The following SLC12A7 variants were observed in gnomAD, a reference collection of about 807,000 sequenced individuals.
SLC12A7 encodes the protein solute carrier family 12 member 7.
In SLC12A7, 100 loss-of-function variants were observed where a neutral mutation model predicts 120.6. The ratio of observed to expected loss-of-function variants is 0.83; its 90% CI spans 0.71 to 0.98. SLC12A7 has a LOEUF of 0.98. SLC12A7 is among the 50% of genes least tolerant of loss of function. The pLI, the probability that SLC12A7 is intolerant of heterozygous loss-of-function variation, is 0.00. For synonymous variants in SLC12A7, 760 were observed against 678.0 expected, an observed-to-expected ratio of 1.12 and a Z score of -1.88; for missense variants, 1,373 against 1,548.1, an observed-to-expected ratio of 0.89 and a Z score of 1.90.
At chr5:1,134,050 C>T in the SLC12A7 span, among the ~76,000 whole-genome samples, 11 of 152,160 alleles carry the variant, frequency 7.2e-5, no homozygotes, top group Non-Finnish European at 7.4e-5. Context: ...CCCAGACAGC[C>T]AGAGCCTAGT....
chr5:1,059,856 A>T (rs1167681149), intron 21 of SLC12A7, among the ~76,000 whole-genome samples: 1 of 142,538 alleles, frequency 7.0e-6, no homozygotes, highest in African/African-American at 2.6e-5. Flanking sequence ...TTAGGACAGA[A>T]ATCTGTGCAT....
In SLC12A7 at chr5:1,053,518, G is replaced by A. The variant is rs534285435; in HGVS notation, c.3027-36C>T. 7 of 1,606,708 alleles carry A rather than the reference G, an allele frequency of 4.4e-6. No individual in the cohort carries two copies. In the South Asian group the frequency reaches 5.5e-5, roughly 13 times the overall value. ...GGTGGGCACGGTCAGCGGGCGGCGG[G>A]TGCACCCCACGCTCCGGACACGAGG... On this transcript the variant is annotated intron_variant, in intron 22 of 23. Coordinates refer to ENST00000264930, the MANE Select transcript of SLC12A7 (RefSeq NM_006598.3).
intron 1 of SLC12A7, among the ~76,000 whole-genome samples, chr5:1,107,117 T>A (rs1742586780): frequency 6.6e-6 from 1 of 152,234 alleles, no homozygotes. Context: ...CTGCCTCTTA[T>A]CTGCCCTCCC....
chr5:1,139,720 G>A, the SLC12A7 span, among the ~76,000 whole-genome samples: 1 of 152,204 alleles, frequency 6.6e-6, no homozygotes, highest in Admixed American at 6.5e-5. Flanking sequence ...GCCCACTTTT[G>A]TGACCCACGT....
At chr5:1,154,047 C>A in the SLC12A7 span, among the ~76,000 whole-genome samples, 141 of 152,192 alleles carry the variant, frequency 9.3e-4, no homozygotes, top group Non-Finnish European at 1.6e-3. Flanking sequence ...CGCATGTGTT[C>A]CCAACCCTAA....
At chr5:1,065,748 G>A (rs531974642) in intron 17 of SLC12A7, among the ~76,000 whole-genome samples, 7 of 152,226 alleles carry the variant, frequency 4.6e-5, no homozygotes, top group African/African-American at 7.2e-5. Context: ...GGGACACAAC[G>A]CCAGGCAGTT....
At chr5:1,093,757 C>A in intron 2 of SLC12A7, 102 bp from the exon 3 acceptor site, 1 of 1,520,514 alleles carries the variant, frequency 6.6e-7, no homozygotes. Flanking sequence ...CTCCCCGGGT[C>A]CTCAGCCCCT....
chr5:1,068,155 C>G (rs1322484420), intron 17 of SLC12A7, among the ~76,000 whole-genome samples: 5 of 152,246 alleles, frequency 3.3e-5, no homozygotes, highest in African/African-American at 1.2e-4. Context: ...CTTGCCCAGA[C>G]AGGCTGCCGT....
chr5:1,092,665 T>C lies in SLC12A7; in HGVS notation c.342+868A>G, dbSNP rs546233105. On this transcript the variant is annotated intron_variant, in intron 3 of 23. Transcript: ENST00000264930. ...GGAAATGACAATTTTGTGTCAAGACTGGGGGAGGCCGTCGCCCGGCTTCAG... is the reference window on the plus strand; with the variant it reads ...GGAAATGACAATTTTGTGTCAAGACCGGGGGAGGCCGTCGCCCGGCTTCAG... 3.9e-5 allele frequency among the ~76,000 whole-genome samples: 6 copies of C among 152,182 alleles called. No homozygotes were observed. In the South Asian group the frequency reaches 1.2e-3, roughly 32 times the overall value.
chr5:1,149,217 C>T, the SLC12A7 span, among the ~76,000 whole-genome samples: 1 of 149,678 alleles, frequency 6.7e-6, no homozygotes, highest in Non-Finnish European at 1.5e-5. Context: ...ACTTTACATT[C>T]CCACAAGCAG....
chr5:1,056,372 G>A (rs1195210949), intron 22 of SLC12A7, among the ~76,000 whole-genome samples: 1 of 152,186 alleles, frequency 6.6e-6, no homozygotes, highest in East Asian at 1.9e-4. Flanking sequence ...GAGCCACCGT[G>A]AACAGAGGGG....
chr5:1,064,030 C>T, intron 19 of SLC12A7, 53 bp downstream of exon 19: 4 of 1,602,704 alleles, frequency 2.5e-6, no homozygotes, highest in Admixed American at 1.7e-5. Context: ...TCCCGGCCCG[C>T]AGCACGTGGG....
At chr5:1,078,158 A>C in intron 11 of SLC12A7, 151 bp from the exon 12 acceptor site, 1 of 956,928 alleles carries the variant, frequency 1.0e-6, no homozygotes, top group Non-Finnish European at 1.5e-6. Context: ...GTTGGCTGAA[A>C]CCTCCACCAG....
At chr5:1,099,573 C>T (rs74951180) in intron 1 of SLC12A7, among the ~76,000 whole-genome samples, 1 of 147,242 alleles carries the variant, frequency 6.8e-6, no homozygotes, top group Non-Finnish European at 1.6e-5. Context: ...GCCATGGTAC[C>T]GACCTCCACA....
Position 1,110,309 on chromosome 5 carries a change from G to A in SLC12A7, c.124+1559C>T, listed in dbSNP as rs141369308. 1.1e-4 allele frequency among the ~76,000 whole-genome samples: 16 copies of A among 152,268 alleles called. No individual in the cohort carries two copies. The East Asian group carries it at 2.3e-3, about 22-fold the overall frequency. On this transcript the variant is annotated intron_variant, in intron 1 of 23. Transcript: ENST00000264930. ...GCCCACACCTGGCCCATGCCCTCCC[G>A]TTCTCAATTTCATGAAGGCCAGGGA...
chr5:1,076,148 A>T lies in SLC12A7; in HGVS notation c.1837T>A (p.Phe613Ile). ...RTPNWRPRFK[F>I]YHWTLSFLGM... ...GCTGAGTGGCCTCACCAGTGGTAGA[A>T]CTTGAAGCGTGGACGCCAGTTGGGG... The change falls in exon 14 of 24, where the codon TTC becomes ATC. Residue 613 changes from phenylalanine to isoleucine, a missense_variant. Phe to Ile is a conservative substitution (Grantham distance 21). Coordinates refer to ENST00000264930, the MANE Select transcript of SLC12A7 (RefSeq NM_006598.3). 6.2e-7 allele frequency: 1 copy of T among 1,610,896 alleles called. No individual in the cohort carries two copies. Among genetic ancestry groups the T allele is most frequent in the Non-Finnish European group, 8.5e-7 (1 of 1,178,980 alleles).
At chr5:1,085,506 C>A (rs568786230) in intron 6 of SLC12A7, 33 bp from the exon 7 acceptor site, 5 of 1,552,280 alleles carry the variant, frequency 3.2e-6, no homozygotes, top group East Asian at 2.4e-5. Flanking sequence ...GAGGCCGTCC[C>A]CGGACACAAC....
At chr5:1,054,092 C>T (rs1211849242) in intron 22 of SLC12A7, among the ~76,000 whole-genome samples, 1 of 152,250 alleles carries the variant, frequency 6.6e-6, no homozygotes, top group Non-Finnish European at 1.5e-5. Flanking sequence ...CAGGGTATGC[C>T]GAGGACTCAG....
rs1343623742 is a variant in SLC12A7 at position 1,089,107 on chromosome 5, T to C, written c.364A>G (p.Ile122Val). The part of the protein sequence containing the change: ...EAKAPRMGTF[I>V]GVYLPCLQNI... ...TGCAGGCACGGCAGGTAGACGCCGA[T>C]GAAGGTGCCCATGCGCGGAGCCTGC... The change falls in exon 4 of 24, where the codon ATC (isoleucine) becomes GTC (valine). Residue 122 changes from isoleucine (I) to valine (V), a missense_variant. Physicochemically the swap from Ile to Val is conservative, Grantham distance 29. Transcript: ENST00000264930. The C allele has an allele frequency of 2.5e-6, 4 of 1,612,660 alleles. No homozygotes were observed. The highest frequency in any genetic ancestry group is 1.7e-5 in the Admixed American group (1 of 60,006).
Sources: gnomAD v4.1 joint callset for allele counts (sites outside exome capture counted in the v4.1 genomes callset) on GRCh38, gnomAD v4.1.1 for gene constraint, MANE v1.5 for transcripts, NCBI Gene and HGNC (gene_info 2026-07-23, HGNC 2026-07-21) for gene names.